UTP18: variants seen among roughly 807,000 people sequenced by gnomAD.
UTP18 encodes the protein UTP18 small subunit processome component.
Under a neutral mutation model 61.1 loss-of-function variants are expected in UTP18, and 36 were observed. The observed-to-expected ratio is 0.59, with a 90% CI of 0.45 to 0.78. UTP18 has a LOEUF of 0.78. Ranked by LOEUF, UTP18 falls within the 30% of genes least tolerant of loss-of-function variation. The pLI is 0.00. For synonymous variants in UTP18, 282 were observed against 251.1 expected (o/e 1.12, Z -1.16); for missense variants, 753 against 693.9 (o/e 1.09, Z -0.96).
At chr17:51,271,612 C>T (rs765250517) in intron 4 of UTP18, among the ~76,000 whole-genome samples, 1 of 152,166 alleles carries the variant, frequency 6.6e-6, no homozygotes, top group African/African-American at 2.4e-5. Flanking sequence ...CACAAATTCT[C>T]TCTACAGCTA....
chr17:51,264,641 T>TAGTGGGTA (rs2055541347), intron 2 of UTP18, among the ~76,000 whole-genome samples: 1 of 151,880 alleles, frequency 6.6e-6, no homozygotes, highest in South Asian at 2.1e-4. Context: ...GGGTAATATC[T>TAGTGGGTA]CTACCTAGTT....
In UTP18 at chr17:51,288,162, T is replaced by C; in HGVS notation, c.1462T>C (p.Leu488=). 1 of 1,599,898 alleles carries C rather than the reference T, an allele frequency of 6.3e-7. No individual in the cohort carries two copies. The highest frequency in any genetic ancestry group is 8.5e-7 in the Non-Finnish European group (1 of 1,176,600). Residue 488 remains leucine (L), a synonymous_variant, in exon 11 of 14, where the codon TTG becomes CTG. Transcript: ENST00000225298. ...GACCTTCAATCCTACTACAGAAATCTTGGCAATTGCTTCAGAAAAAATGAA... is the reference window on the plus strand; with the variant it reads ...GACCTTCAATCCTACTACAGAAATCCTGGCAATTGCTTCAGAAAAAATGAA... The part of the protein sequence containing the change: ...SLTFNPTTEI[L]AIASEKMKEA...
At position 51,260,884 on chromosome 17, in the gene UTP18, G is replaced by C. The variant is rs775902416; in HGVS notation, c.300G>C (p.Glu100Asp). The C allele has an allele frequency of 1.9e-6, 3 of 1,599,848 alleles. No individual in the cohort carries two copies. The highest frequency in any genetic ancestry group is 2.6e-6 in the Non-Finnish European group (3 of 1,174,364). ...AGGAGCTGGTCTTCGGCGACGTCGA[G>C]AACGACGAGGACGCGTTGCTGCGGC... is the stretch of plus-strand genomic sequence containing the variant. ...CLEELVFGDV[E>D]NDEDALLRRL... The change falls in exon 1 of 14, where the codon GAG (glutamate) becomes GAC (aspartate). Residue 100 changes from glutamate to aspartate, a missense_variant. Transcript: ENST00000225298.
In UTP18 at chr17:51,263,327, T is replaced by C; in HGVS notation, c.396T>C (p.Gly132=). The change falls in exon 2 of 14, where the codon GGT becomes GGC. Residue 132 remains glycine, a synonymous_variant. Coordinates refer to ENST00000225298, the MANE Select transcript of UTP18 (RefSeq NM_016001.3). ...CAGAAGTGGAGAATGAAGCAAAAGG[T>C]AATTTTCCACCTCAAAAGAAGCCAG... ...GDSEVENEAK[G]NFPPQKKPVW... is the part of the protein sequence containing the mutation. The C allele has an allele frequency of 6.2e-7, 1 of 1,614,164 alleles. No homozygotes were observed. Among genetic ancestry groups the C allele is most frequent in the African/African-American group, 1.3e-5 (1 of 75,048 alleles).
intron 4 of UTP18, among the ~76,000 whole-genome samples, 176 bp from the exon 5 acceptor site, chr17:51,273,184 AAT>A (rs1904584865): frequency 2.2e-5 from 2 of 91,626 alleles, no homozygotes; most frequent in Non-Finnish European, 4.8e-5. Flanking sequence ...TCTCCTTTAA[AAT>A]TTTTTTTTTT....
At chr17:51,287,134 C>CT (rs975099560) in intron 10 of UTP18, among the ~76,000 whole-genome samples, 2 of 152,252 alleles carry the variant, frequency 1.3e-5, no homozygotes, top group East Asian at 1.9e-4. Context: ...ATTGCCCTCT[C>CT]TTTTTTGTAT....
intron 9 of UTP18, among the ~76,000 whole-genome samples, chr17:51,284,819 G>A (rs972276792): frequency 2.0e-5 from 3 of 152,126 alleles, no homozygotes; most frequent in African/African-American, 4.8e-5. Context: ...CCAGCAGTTT[G>A]GGAGGCCAAG....
At chr17:51,271,265 G>T (rs1904519914) in intron 4 of UTP18, among the ~76,000 whole-genome samples, 1 of 151,986 alleles carries the variant, frequency 6.6e-6, no homozygotes, top group African/African-American at 2.4e-5. Flanking sequence ...TTCCTTTCTA[G>T]ATTATTAGTA....
At position 51,260,565 on chromosome 17, in the gene UTP18, G is replaced by C. The variant is rs749900292; in HGVS notation, c.-20G>C. Reference sequence around the variant, plus strand: ...AGCGAGGTTCCACGTGAGCGCCTGCGTTTCTCCTCAAACCTAACGATGCCG... The same window carrying C: ...AGCGAGGTTCCACGTGAGCGCCTGCCTTTCTCCTCAAACCTAACGATGCCG... On this transcript the variant is annotated 5_prime_UTR_variant, in exon 1 of 14. Transcript: ENST00000225298. 19 of 1,602,770 alleles carry C rather than the reference G, an allele frequency of 1.2e-5. No homozygotes were observed. Among genetic ancestry groups the C allele is most frequent in the Non-Finnish European group, 1.5e-5 (18 of 1,176,228 alleles).
Position 51,266,406 on chromosome 17 carries a change from G to A in UTP18, c.554+126G>A, listed in dbSNP as rs1043810051. On this transcript the variant is annotated intron_variant, in intron 3 of 13. Coordinates refer to ENST00000225298, the MANE Select transcript of UTP18 (RefSeq NM_016001.3). ...TAAGAGGATTGCTATTGTGGGCAGT[G>A]ACTAAATTTCTGTAGTTTTTTTTAG... 1.9e-5 allele frequency: 11 copies of A among 590,218 alleles called. No individual in the cohort carries two copies. The African/African-American group carries it at 2.1e-4, about 12-fold the overall frequency. The allele number at this position is 590,218 out of a possible 1,614,324, so 36.6% of individuals were successfully genotyped here.
intron 1 of UTP18, among the ~76,000 whole-genome samples, chr17:51,261,999 A>G (rs764090964): frequency 6.6e-6 from 1 of 152,172 alleles, no homozygotes; most frequent in Non-Finnish European, 1.5e-5. Flanking sequence ...TTAGACTAGT[A>G]GTAGAGCAAG....
At chr17:51,297,150 C>G (rs1008415829) in intron 13 of UTP18, 147 bp downstream of exon 13, 2 of 673,226 alleles carry the variant, frequency 3.0e-6, no homozygotes, top group Non-Finnish European at 4.8e-6. Flanking sequence ...GGAAGTAGAT[C>G]AGGAACTGTC....
chr17:51,263,450 T>TA, intron 2 of UTP18, 64 bp downstream of exon 2: 1 of 1,200,732 alleles, frequency 8.3e-7, no homozygotes, highest in Non-Finnish European at 1.2e-6. Context: ...TTGCAGATTT[T>TA]AAAATCATTC....
intron 1 of UTP18, among the ~76,000 whole-genome samples, chr17:51,261,500 C>T (rs192219957): frequency 1.3e-5 from 2 of 152,314 alleles, no homozygotes. Context: ...ACACATTTTG[C>T]TATCCCTTTA....
At chr17:51,293,665 T>C (rs777388072) in intron 11 of UTP18, among the ~76,000 whole-genome samples, 9 of 152,146 alleles carry the variant, frequency 5.9e-5, no homozygotes, top group African/African-American at 9.6e-5. Context: ...ACTTCACCAC[T>C]GTGCAAGAAA....
chr17:51,296,796 A>G lies in UTP18; in HGVS notation c.1647-169A>G. On this transcript the variant is annotated intron_variant, in intron 12 of 13. Coordinates refer to ENST00000225298, the MANE Select transcript of UTP18 (RefSeq NM_016001.3). ...GTTACCTAAAATCTGAGGCGTTCAG[A>G]TCCTCCAGAATGTCAGATTGAGGAG... 1.2e-5 allele frequency: 7 copies of G among 586,750 alleles called. No homozygotes were observed. In the South Asian group the frequency reaches 1.6e-4, roughly 14 times the overall value. 36.3% of individuals were successfully genotyped at this position (586,750 alleles called of 1,614,324 possible).
intron 3 of UTP18, among the ~76,000 whole-genome samples, chr17:51,267,960 C>T (rs1288865836): frequency 7.5e-5 from 2 of 26,602 alleles, no homozygotes; most frequent in African/African-American, 2.8e-4. Flanking sequence ...ATTAAAACAA[C>T]TCTCTTTGCC....
chr17:51,275,353 A>AT (rs1303257580), intron 5 of UTP18, among the ~76,000 whole-genome samples: 1 of 152,238 alleles, frequency 6.6e-6, no homozygotes, highest in African/African-American at 2.4e-5. Context: ...TGGATGTGAG[A>AT]TTACCATTAC....
intron 10 of UTP18, among the ~76,000 whole-genome samples, chr17:51,286,244 AG>A (rs1316392037): frequency 6.6e-6 from 1 of 152,218 alleles, no homozygotes; most frequent in Admixed American, 6.5e-5. Flanking sequence ...CTGAAGATGC[AG>A]GGTGAGAGGA....
Sources: gnomAD v4.1 joint callset for allele counts (sites outside exome capture counted in the v4.1 genomes callset) on GRCh38, gnomAD v4.1.1 for gene constraint, MANE v1.5 for transcripts, NCBI Gene and HGNC (gene_info 2026-07-23, HGNC 2026-07-21) for gene names.